The following PRR16 variants were observed in gnomAD, a reference collection of about 807,000 sequenced individuals.
PRR16 encodes proline rich 16.
A neutral mutation model predicts 18.2 loss-of-function variants in PRR16; 6 were observed. The ratio of observed to expected loss-of-function variants is 0.33; its 90% CI spans 0.18 to 0.65. PRR16 has a LOEUF of 0.65. PRR16 is among the 30% of genes least tolerant of loss of function. The probability of loss-of-function intolerance (pLI) is 0.74; values close to 1 mark genes in which losing one functional copy is unlikely to be tolerated. For synonymous variants in PRR16, 151 were observed against 147.8 expected, an observed-to-expected ratio of 1.02 and a Z score of -0.16; for missense variants, 412 against 376.6, an observed-to-expected ratio of 1.09 and a Z score of -0.78.
the PRR16 span, among the ~76,000 whole-genome samples, chr5:120,767,906 T>G: frequency 6.6e-6 from 1 of 151,896 alleles, no homozygotes; most frequent in Admixed American, 6.6e-5. Context: ...TCCACTTTTA[T>G]GATATATCAA....
chr5:120,579,121 G>A (rs896674771), intron 1 of PRR16, among the ~76,000 whole-genome samples: 1 of 151,938 alleles, frequency 6.6e-6, no homozygotes, highest in Non-Finnish European at 1.5e-5. Flanking sequence ...TATAAATATT[G>A]TTTAAGTTCC....
At chr5:120,480,460 C>T (rs1749575095) in intron 1 of PRR16, among the ~76,000 whole-genome samples, 1 of 152,010 alleles carries the variant, frequency 6.6e-6, no homozygotes, top group African/African-American at 2.4e-5. Flanking sequence ...ACCAAGAAAC[C>T]ATCCAAGACA....
the PRR16 span, among the ~76,000 whole-genome samples, chr5:120,701,502 T>C: frequency 2.6e-5 from 4 of 152,010 alleles, no homozygotes; most frequent in Admixed American, 6.6e-5. Context: ...TAAGAGTAAA[T>C]TGCTGGGCAG....
At chr5:120,665,671 C>T (rs1394147506) in intron 1 of PRR16, among the ~76,000 whole-genome samples, 13 of 152,218 alleles carry the variant, frequency 8.5e-5, no homozygotes, top group South Asian at 6.2e-4. Context: ...CAGCTTTCTA[C>T]GTATGGCTAG....
At chr5:120,525,453 GC>G (rs1396979030) in intron 1 of PRR16, among the ~76,000 whole-genome samples, 1 of 151,816 alleles carries the variant, frequency 6.6e-6, no homozygotes, top group Non-Finnish European at 1.5e-5. Context: ...ATGTGTGCAA[GC>G]CATTTAAATC....
intron 1 of PRR16, among the ~76,000 whole-genome samples, chr5:120,490,413 C>T (rs1406806207): frequency 3.9e-5 from 6 of 152,132 alleles, no homozygotes; most frequent in Non-Finnish European, 5.9e-5. Context: ...CGTCTTCCAT[C>T]GCTGATACCC....
the PRR16 span, among the ~76,000 whole-genome samples, chr5:120,757,630 C>T: frequency 6.6e-6 from 1 of 151,768 alleles, no homozygotes; most frequent in African/African-American, 2.4e-5. Flanking sequence ...ATAAATACTC[C>T]TTGACACAAA....
chr5:120,572,110 T>C lies in PRR16; in HGVS notation c.159+107465T>C, dbSNP rs558477421. ...GACCTAGATCTAGAAACTGGCATATTCTTTGTCTCGTACTGTATTGGTCAA... is the reference window on the plus strand; with the variant it reads ...GACCTAGATCTAGAAACTGGCATATCCTTTGTCTCGTACTGTATTGGTCAA... On this transcript the variant is annotated intron_variant, in intron 1 of 1. Transcript: ENST00000407149. Among the ~76,000 whole-genome samples the C allele has an allele frequency of 8.9e-4, 136 of 152,294 alleles. 1 individual carries two copies. The highest frequency in any genetic ancestry group is 1.5e-3 in the Non-Finnish European group (99 of 68,016).
the PRR16 span, among the ~76,000 whole-genome samples, chr5:120,699,469 G>A: frequency 1.3e-5 from 2 of 152,092 alleles, no homozygotes; most frequent in Admixed American, 6.5e-5. Context: ...GTGGGAGGCC[G>A]GATTCAAGTC....
intron 1 of PRR16, among the ~76,000 whole-genome samples, chr5:120,470,500 G>A (rs138176243): frequency 6.6e-6 from 1 of 152,144 alleles, no homozygotes; most frequent in East Asian, 1.9e-4. Context: ...TATAAGCAAT[G>A]ACATTTTCTA....
At chr5:120,465,437 G>A (rs1429864418) in intron 1 of PRR16, among the ~76,000 whole-genome samples, 2 of 152,222 alleles carry the variant, frequency 1.3e-5, no homozygotes, top group African/African-American at 4.8e-5. Flanking sequence ...CTCTGCAGCT[G>A]GGACTGCTTC....
intron 1 of PRR16, among the ~76,000 whole-genome samples, chr5:120,492,690 A>T (rs551383827): frequency 6.6e-6 from 1 of 152,086 alleles, no homozygotes; most frequent in East Asian, 1.9e-4. Context: ...ACCGTACCCA[A>T]TGTAGTCTTT....
chr5:120,791,091 T>C, the PRR16 span, among the ~76,000 whole-genome samples: 1 of 152,148 alleles, frequency 6.6e-6, no homozygotes, highest in East Asian at 1.9e-4. Context: ...TTGTAATTTG[T>C]ATTTGGCATA....
intron 1 of PRR16, among the ~76,000 whole-genome samples, chr5:120,664,000 A>G (rs1756268273): frequency 6.6e-6 from 1 of 152,146 alleles, no homozygotes; most frequent in African/African-American, 2.4e-5. Context: ...TTAATGTGTA[A>G]AAAACTGGAC....
chr5:120,501,928 C>G lies in PRR16; in HGVS notation c.159+37283C>G, dbSNP rs575044726. On this transcript the variant is annotated intron_variant, in intron 1 of 1. Transcript: ENST00000407149. ...CCGAGATCGCGCCACTGCACTCCAG[C>G]CTGGGCGACAGAGCGATACTCCGTC... Among the ~76,000 whole-genome samples the G allele has an allele frequency of 2.4e-4, 32 of 133,220 alleles. No individual in the cohort carries two copies. In the East Asian group the frequency reaches 6.4e-3, roughly 27 times the overall value. The allele number at this position is 133,220 out of a possible 152,430, so 87.4% of individuals were successfully genotyped here.
the PRR16 span, among the ~76,000 whole-genome samples, chr5:120,768,446 T>G: frequency 2.0e-5 from 3 of 151,552 alleles, no homozygotes; most frequent in Non-Finnish European, 3.0e-5. Flanking sequence ...TATCAGTTAT[T>G]TGGTAAAAAA....
the PRR16 span, among the ~76,000 whole-genome samples, chr5:120,693,545 G>C: frequency 2.0e-5 from 3 of 152,206 alleles, no homozygotes; most frequent in African/African-American, 7.2e-5. Flanking sequence ...TTACTGAATA[G>C]ACAGAGCCAC....
intron 1 of PRR16, among the ~76,000 whole-genome samples, chr5:120,635,830 G>A (rs1274551522): frequency 6.6e-6 from 1 of 152,038 alleles, no homozygotes; most frequent in African/African-American, 2.4e-5. Context: ...AGTCAAACTG[G>A]TGCTGTTTGC....
At chr5:120,577,230 A>C (rs1381822839) in intron 1 of PRR16, among the ~76,000 whole-genome samples, 2 of 152,126 alleles carry the variant, frequency 1.3e-5, no homozygotes, top group Non-Finnish European at 2.9e-5. Context: ...AATTCCTAAT[A>C]GCAAGGTTTT....
Sources: gnomAD v4.1 joint callset for allele counts (sites outside exome capture counted in the v4.1 genomes callset) on GRCh38, gnomAD v4.1.1 for gene constraint, MANE v1.5 for transcripts, NCBI Gene and HGNC (gene_info 2026-07-23, HGNC 2026-07-21) for gene names.